The following RSPRY1 variants were observed in gnomAD, a reference collection of about 807,000 sequenced individuals.
RSPRY1 encodes RING finger and SPRY domain-containing protein 1.
Under a neutral mutation model 73.1 loss-of-function variants are expected in RSPRY1, and 23 were observed. The observed-to-expected ratio is 0.31, with a 90% CI of 0.23 to 0.45. The LOEUF is 0.45. Ranked by LOEUF, RSPRY1 falls within the 20% of genes least tolerant of loss-of-function variation. The probability of loss-of-function intolerance (pLI) is 1.00; values close to 1 mark genes in which losing one functional copy is unlikely to be tolerated. For missense variants in RSPRY1, 448 were observed against 698.7 expected (o/e 0.64, Z 4.05); for synonymous variants, 226 against 251.4 (o/e 0.90, Z 0.95).
At chr16:57,231,645 GATAA>G in intron 13 of RSPRY1, among the ~76,000 whole-genome samples, 1 of 152,076 alleles carries the variant, frequency 6.6e-6, no homozygotes. Context: ...TTTTTTGTGA[GATAA>G]ATAAGATTGG....
At chr16:57,207,962 T>G (rs527623579) in intron 2 of RSPRY1, 96 bp from the exon 3 acceptor site, 64 of 752,384 alleles carry the variant, frequency 8.5e-5, no homozygotes, top group Non-Finnish European at 1.5e-4. Flanking sequence ...TCATTTCTTC[T>G]GTCCCTTTTT....
chr16:57,187,679 TA>T (rs773918146), intron 1 of RSPRY1, among the ~76,000 whole-genome samples: 17 of 152,120 alleles, frequency 1.1e-4, no homozygotes, highest in Non-Finnish European at 1.8e-4. Flanking sequence ...TATGTAGAGG[TA>T]AGGGGTGGGA....
At chr16:57,218,720 CTTTTTTTTTTTTTTTTT>C (rs869295634) in intron 8 of RSPRY1, among the ~76,000 whole-genome samples, 5 of 41,122 alleles carry the variant, frequency 1.2e-4, no homozygotes, top group Admixed American at 4.6e-4. Flanking sequence ...GCCACATTTT[CTTTTTTTTTTTTTTTTT>C]TTTTTTTTTT....
At chr16:57,209,764 C>T (rs112281541) in intron 4 of RSPRY1, among the ~76,000 whole-genome samples, 2,840 of 152,168 alleles carry the variant, frequency 0.019, 46 homozygotes, top group Middle Eastern at 0.051. Flanking sequence ...GCTGCAACCT[C>T]CCTAGGCTCA....
intron 10 of RSPRY1, among the ~76,000 whole-genome samples, chr16:57,223,417 A>G (rs1360509771): frequency 2.0e-5 from 3 of 152,188 alleles, no homozygotes; most frequent in Non-Finnish European, 2.9e-5. Flanking sequence ...GTCTTGTTGT[A>G]TTGTATATTT....
At chr16:57,235,511 C>T (rs1251254029) in intron 14 of RSPRY1, among the ~76,000 whole-genome samples, 1 of 152,184 alleles carries the variant, frequency 6.6e-6, no homozygotes, top group Non-Finnish European at 1.5e-5. Flanking sequence ...AGTTTTAGAG[C>T]TTCCTCATTT....
chr16:57,208,953 A>G, intron 3 of RSPRY1, 122 bp from the exon 4 acceptor site: 1 of 638,338 alleles, frequency 1.6e-6, no homozygotes, highest in East Asian at 2.7e-5. Flanking sequence ...CATGCCAAAT[A>G]TTAGCTGCTA....
chr16:57,209,564 A>G (rs1379761392), intron 4 of RSPRY1, among the ~76,000 whole-genome samples: 1 of 152,126 alleles, frequency 6.6e-6, no homozygotes, highest in Non-Finnish European at 1.5e-5. Context: ...GGATTTCACC[A>G]TGTTGGCCAG....
chr16:57,233,589 C>T (rs1290945778), intron 13 of RSPRY1, among the ~76,000 whole-genome samples: 1 of 152,082 alleles, frequency 6.6e-6, no homozygotes, highest in African/African-American at 2.4e-5. Flanking sequence ...AGGCTGGTCT[C>T]GAACTCTTGG....
At chr16:57,228,272 C>A (rs1424995716) in intron 11 of RSPRY1, among the ~76,000 whole-genome samples, 29 of 72,064 alleles carry the variant, frequency 4.0e-4, no homozygotes, top group South Asian at 5.1e-4. Flanking sequence ...GACTCCATCT[C>A]AAAAAAAAAA....
chr16:57,236,665 A>G (rs765129071), intron 14 of RSPRY1, among the ~76,000 whole-genome samples: 1 of 152,234 alleles, frequency 6.6e-6, no homozygotes, highest in Non-Finnish European at 1.5e-5. Flanking sequence ...GCCCAATTCT[A>G]TTTAAACTTG....
At chr16:57,235,447 T>C (rs1166629546) in intron 14 of RSPRY1, among the ~76,000 whole-genome samples, 1 of 152,242 alleles carries the variant, frequency 6.6e-6, no homozygotes, top group Non-Finnish European at 1.5e-5. Context: ...CAATTTTGGC[T>C]TCACAAAATG....
intron 1 of RSPRY1, among the ~76,000 whole-genome samples, chr16:57,192,335 G>A (rs1444988639): frequency 1.3e-5 from 2 of 151,986 alleles, no homozygotes; most frequent in Admixed American, 6.6e-5. Flanking sequence ...GGCCTCCTGG[G>A]GGGAAAACCA....
intron 1 of RSPRY1, among the ~76,000 whole-genome samples, chr16:57,195,076 A>T (rs1401493181): frequency 1.3e-5 from 2 of 152,230 alleles, no homozygotes; most frequent in Non-Finnish European, 2.9e-5. Flanking sequence ...CTAATAAATA[A>T]TATAGAAATG....
chr16:57,186,165 G>A (rs1312702995), upstream of RSPRY1: 20 of 985,630 alleles, frequency 2.0e-5, no homozygotes, highest in South Asian at 1.4e-4. Flanking sequence ...CACGCCTCAG[G>A]ATGAGGACTG....
At position 57,204,549 on chromosome 16, in the gene RSPRY1, G is replaced by A; in HGVS notation, c.-110G>A. On this transcript the variant is annotated 5_prime_UTR_variant, in exon 2 of 15. Coordinates refer to ENST00000394420, the MANE Select transcript of RSPRY1 (RefSeq NM_133368.3). Reference sequence around the variant, plus strand: ...AATCCCCTGTAGTTGATAATGTTGGGAATAAGCTCTGCAACTTTCTTTGGC... The same window carrying A: ...AATCCCCTGTAGTTGATAATGTTGGAAATAAGCTCTGCAACTTTCTTTGGC... The A allele has an allele frequency of 1.1e-6, 1 of 924,694 alleles. No homozygotes were observed. The highest frequency in any genetic ancestry group is 1.7e-6 in the Non-Finnish European group (1 of 596,120). 57.3% of individuals were successfully genotyped at this position (924,694 alleles called of 1,614,324 possible).
chr16:57,226,350 G>T (rs1462242216), intron 10 of RSPRY1, among the ~76,000 whole-genome samples: 4 of 152,198 alleles, frequency 2.6e-5, no homozygotes, highest in African/African-American at 9.7e-5. Flanking sequence ...ATAGAATAAA[G>T]TGTTTTCACA....
At position 57,218,720 on chromosome 16, in the gene RSPRY1, C is replaced by CTT. The variant is rs869295634; in HGVS notation, c.901+1717_901+1718dup. Among the ~76,000 whole-genome samples the CTT allele has an allele frequency of 1.1e-3, 44 of 41,122 alleles. 5 individuals are homozygous for CTT. Among genetic ancestry groups the CTT allele is most frequent in the African/African-American group, 1.8e-3 (16 of 9,120 alleles). 27.0% of individuals were successfully genotyped at this position (41,122 alleles called of 152,430 possible). On this transcript the variant is annotated intron_variant, in intron 8 of 14. Transcript: ENST00000394420. ...CCATTTTGTATATGTGCCACATTTT[C>CTT]TTTTTTTTTTTTTTTTTTTTTTTTT...
chr16:57,223,053 T>G (rs1321152771), intron 10 of RSPRY1, among the ~76,000 whole-genome samples: 2 of 152,194 alleles, frequency 1.3e-5, no homozygotes. Context: ...CAAACACTCT[T>G]CCCTGATCCA....
Sources: allele counts gnomAD v4.1 joint callset (sites outside exome capture counted in the v4.1 genomes callset), GRCh38; gene constraint gnomAD v4.1.1; transcripts MANE v1.5; gene names NCBI Gene and HGNC (gene_info 2026-07-23, HGNC 2026-07-21).